Variants in ARHGAP24 observed in about 807,000 individuals in gnomAD.
ARHGAP24 encodes Rho GTPase activating protein 24.
ARHGAP24 carries 50 observed loss-of-function variants against 76.4 expected under a neutral mutation model. That is an observed-to-expected ratio of 0.65 (90% confidence interval 0.52 to 0.83). The LOEUF is 0.83. ARHGAP24 is among the 40% of genes least tolerant of loss of function. ARHGAP24 has a pLI of 0.00. For missense variants in ARHGAP24, 930 were observed against 914.2 expected, an observed-to-expected ratio of 1.02 and a Z score of -0.22; for synonymous variants, 345 against 323.3, an observed-to-expected ratio of 1.07 and a Z score of -0.72.
At chr4:85,999,813 C>T (rs1324114018) in intron 9 of ARHGAP24, 1 of 152,136 alleles carries the variant, frequency 6.6e-6, no homozygotes, top group Non-Finnish European at 1.5e-5. Context: ...TACCTATGCC[C>T]AGAGCTATAT....
chr4:85,599,405 G>T (rs1167657132), intron 2 of ARHGAP24, among the ~76,000 whole-genome samples: 3 of 152,024 alleles, frequency 2.0e-5, no homozygotes, highest in African/African-American at 7.2e-5. Context: ...GTCTTCTCTG[G>T]GATAACAGAA....
intron 2 of ARHGAP24, among the ~76,000 whole-genome samples, chr4:85,614,972 A>G (rs966916318): frequency 1.3e-5 from 2 of 152,096 alleles, no homozygotes; most frequent in Admixed American, 6.6e-5. Flanking sequence ...ATGTGCCTAT[A>G]TCAAGAAAGG....
At chr4:85,963,892 TG>T (rs201140078) in intron 5 of ARHGAP24, among the ~76,000 whole-genome samples, 2,066 of 152,238 alleles carry the variant, frequency 0.014, 25 homozygotes, top group Non-Finnish European at 0.017. Context: ...CACTTATATA[TG>T]TTTTTTTTCA....
At chr4:85,611,745 C>G (rs1720388793) in intron 2 of ARHGAP24, among the ~76,000 whole-genome samples, 1 of 152,144 alleles carries the variant, frequency 6.6e-6, no homozygotes, top group Non-Finnish European at 1.5e-5. Flanking sequence ...TCCTTTGAGT[C>G]TATGGCAAAT....
chr4:85,697,598 G>A (rs1045893511), intron 2 of ARHGAP24, among the ~76,000 whole-genome samples: 2 of 152,156 alleles, frequency 1.3e-5, no homozygotes, highest in African/African-American at 4.8e-5. Flanking sequence ...ATAGTGAATA[G>A]GATAATATAG....
chr4:85,797,322 G>A (rs1020129506), intron 3 of ARHGAP24, among the ~76,000 whole-genome samples: 4 of 152,026 alleles, frequency 2.6e-5, no homozygotes, highest in Admixed American at 6.5e-5. Flanking sequence ...ACAGGCGCCC[G>A]CCACCACGCC....
chr4:85,496,591 C>T (rs559296294), intron 1 of ARHGAP24, among the ~76,000 whole-genome samples: 6 of 152,272 alleles, frequency 3.9e-5, no homozygotes, highest in African/African-American at 1.4e-4. Flanking sequence ...GGTTTCAAAT[C>T]ACAACCGTGA....
intron 3 of ARHGAP24, among the ~76,000 whole-genome samples, chr4:85,915,848 C>A (rs1005677367): frequency 2.0e-5 from 3 of 152,164 alleles, no homozygotes; most frequent in Admixed American, 2.0e-4. Context: ...GGTTCCAAGT[C>A]TTTCCTATTG....
At chr4:85,588,155 A>G (rs1020371457) in intron 2 of ARHGAP24, among the ~76,000 whole-genome samples, 1 of 152,172 alleles carries the variant, frequency 6.6e-6, no homozygotes, top group Non-Finnish European at 1.5e-5. Context: ...TATCTTGAAC[A>G]CACTGTCAGC....
At chr4:85,949,307 A>G (rs1394419092) in intron 5 of ARHGAP24, among the ~76,000 whole-genome samples, 1 of 152,208 alleles carries the variant, frequency 6.6e-6, no homozygotes, top group African/African-American at 2.4e-5. Flanking sequence ...TGTTCGAGGT[A>G]TCTATTGCTT....
At chr4:85,819,805 A>G (rs1358471246) in intron 3 of ARHGAP24, among the ~76,000 whole-genome samples, 1 of 151,290 alleles carries the variant, frequency 6.6e-6, no homozygotes, top group Admixed American at 6.6e-5. Context: ...CTGTAATCCC[A>G]GTTACTCGGG....
chr4:85,952,012 G>A (rs1166358619), intron 5 of ARHGAP24, among the ~76,000 whole-genome samples: 1 of 151,836 alleles, frequency 6.6e-6, no homozygotes, highest in Non-Finnish European at 1.5e-5. Context: ...TATTATTAAA[G>A]TTATATTTTG....
At chr4:85,680,725 A>G (rs1484919215) in intron 2 of ARHGAP24, among the ~76,000 whole-genome samples, 1 of 150,814 alleles carries the variant, frequency 6.6e-6, no homozygotes, top group Non-Finnish European at 1.5e-5. Flanking sequence ...AACCAAACCC[A>G]TGTGCCTGGA....
chr4:85,788,743 G>A (rs1430379515), intron 3 of ARHGAP24, among the ~76,000 whole-genome samples: 1 of 152,132 alleles, frequency 6.6e-6, no homozygotes, highest in South Asian at 2.1e-4. Flanking sequence ...CACTCAAAAG[G>A]ATTGTTGCTT....
At chr4:85,794,629 T>A (rs1728270881) in intron 3 of ARHGAP24, among the ~76,000 whole-genome samples, 1 of 152,094 alleles carries the variant, frequency 6.6e-6, no homozygotes, top group Non-Finnish European at 1.5e-5. Flanking sequence ...ATTACAGGCA[T>A]GCGCCACCAC....
At chr4:85,804,872 C>T (rs1728724884) in intron 3 of ARHGAP24, among the ~76,000 whole-genome samples, 2 of 152,294 alleles carry the variant, frequency 1.3e-5, no homozygotes, top group South Asian at 2.1e-4. Flanking sequence ...TTCCCATCTG[C>T]AATTTTTAGT....
chr4:85,711,688 G>A (rs1034998716), intron 2 of ARHGAP24, among the ~76,000 whole-genome samples: 1 of 152,018 alleles, frequency 6.6e-6, no homozygotes, highest in African/African-American at 2.4e-5. Context: ...AATTTTACTT[G>A]GTTGTTAAAA....
At chr4:85,945,574 CA>C (rs1430817015) in intron 5 of ARHGAP24, among the ~76,000 whole-genome samples, 1 of 151,728 alleles carries the variant, frequency 6.6e-6, no homozygotes, top group Non-Finnish European at 1.5e-5. Context: ...CCAGCCTGGC[CA>C]ACATGCTGAA....
chr4:85,923,843 G>A (rs1735871301), intron 4 of ARHGAP24, 73 bp downstream of exon 4: 2 of 1,600,804 alleles, frequency 1.2e-6, no homozygotes, highest in African/African-American at 1.3e-5. Context: ...CCCAGCGAAT[G>A]TTACTATTAG....
Sources: allele counts gnomAD v4.1 joint callset (sites outside exome capture counted in the v4.1 genomes callset), GRCh38; gene constraint gnomAD v4.1.1; transcripts MANE v1.5; gene names NCBI Gene and HGNC (gene_info 2026-07-23, HGNC 2026-07-21).